ZNF462: variants seen among roughly 807,000 people sequenced by gnomAD.
The protein encoded by ZNF462 is zinc finger protein 462, also known as zinc finger PBX1-interacting protein.
A neutral mutation model predicts 201.9 loss-of-function variants in ZNF462; 10 were observed. The ratio of observed to expected loss-of-function variants is 0.05; its 90% CI spans 0.03 to 0.08. The LOEUF is 0.08. Ranked by LOEUF, ZNF462 falls within the 10% of genes least tolerant of loss-of-function variation. The pLI, the probability that ZNF462 is intolerant of heterozygous loss-of-function variation, is 1.00. For missense variants in ZNF462, 2,523 were observed against 3,168.3 expected, an observed-to-expected ratio of 0.80 and a Z score of 4.89; for synonymous variants, 1,227 against 1,193.3, an observed-to-expected ratio of 1.03 and a Z score of -0.58.
intron 7 of ZNF462, among the ~76,000 whole-genome samples, chr9:106,965,046 C>T (rs1416293881): frequency 1.3e-5 from 2 of 151,930 alleles, no homozygotes; most frequent in Admixed American, 6.6e-5. Flanking sequence ...GAGATCAGGG[C>T]AAGAATCACA....
chr9:107,007,299 G>C (rs932789901), intron 11 of ZNF462, among the ~76,000 whole-genome samples: 1 of 152,224 alleles, frequency 6.6e-6, no homozygotes, highest in African/African-American at 2.4e-5. Flanking sequence ...TGGTTGAGAT[G>C]TGTGTGGTAT....
At position 106,870,879 on chromosome 9, in the gene ZNF462, C is replaced by T. The variant is rs988454120; in HGVS notation, c.-31+7524C>T. On this transcript the variant is annotated intron_variant, in intron 1 of 12. Coordinates refer to ENST00000277225, the MANE Select transcript of ZNF462 (RefSeq NM_021224.6). The surrounding 1 kb of genome is among the most constrained non-coding windows in gnomAD (Gnocchi z 4.3). ...GTCTGAGCAGTTGAACCAGAACACA[C>T]GCTAAGGCCTCCAAATTTTGGAATT... Among the ~76,000 whole-genome samples the T allele has an allele frequency of 1.3e-5, 2 of 152,124 alleles. No individual in the cohort carries two copies. Among genetic ancestry groups the T allele is most frequent in the African/African-American group, 4.8e-5 (2 of 41,414 alleles).
Position 107,003,185 on chromosome 9 carries a change from T to A in ZNF462, c.7057-109T>A. On this transcript the variant is annotated intron_variant, in intron 10 of 12. Transcript: ENST00000277225. The surrounding 1 kb of genome is among the most constrained non-coding windows in gnomAD (Gnocchi z 4.4). ...AGGCCCCGGAGTTGTTTGGTCCTGGTTGCAAAACCACAGTCACAGGAAAAT... is the reference window on the plus strand; with the variant it reads ...AGGCCCCGGAGTTGTTTGGTCCTGGATGCAAAACCACAGTCACAGGAAAAT... The A allele has an allele frequency of 6.7e-7, 1 of 1,487,374 alleles. No homozygotes were observed. The highest frequency in any genetic ancestry group is 1.4e-5 in the South Asian group (1 of 72,722). 92.1% of individuals were successfully genotyped at this position (1,487,374 alleles called of 1,614,324 possible).
rs780431583 is a variant in ZNF462, at chr9:106,929,461, A to C, written c.5549A>C (p.Lys1850Thr). ...EIEWLPFRCIKCFKLSFSTAE... is the reference protein window; with the variant it reads ...EIEWLPFRCITCFKLSFSTAE... ...GAGTGGCTCCCATTCCGCTGCATCAAATGCTTCAAGCTGTCCTTTAGCACT... is the reference window on the plus strand; with the variant it reads ...GAGTGGCTCCCATTCCGCTGCATCACATGCTTCAAGCTGTCCTTTAGCACT... The change falls in exon 3 of 13, where the codon AAA becomes ACA. Residue 1850 changes from lysine to threonine, a missense_variant. Coordinates refer to ENST00000277225, the MANE Select transcript of ZNF462 (RefSeq NM_021224.6). This position sits in a 1 kb window ranked among gnomAD's most constrained non-coding sequence, Gnocchi z 8.7. 1.2e-6 allele frequency: 2 copies of C among 1,614,140 alleles called. No individual in the cohort carries two copies. The highest frequency in any genetic ancestry group is 2.2e-5 in the South Asian group (2 of 91,084).
chr9:106,950,450 G>A lies in ZNF462; in HGVS notation c.6427+11343G>A, dbSNP rs1413723714. On this transcript the variant is annotated intron_variant, in intron 7 of 12. Transcript: ENST00000277225. This position sits in a 1 kb window ranked among gnomAD's most constrained non-coding sequence, Gnocchi z 4.1. Reference sequence around the variant, plus strand: ...TGTCCTTGTGAGTTGTGATTTTATTGTTACTCTGATTTTATAGTATTTTAA... The same window carrying A: ...TGTCCTTGTGAGTTGTGATTTTATTATTACTCTGATTTTATAGTATTTTAA... Among the ~76,000 whole-genome samples the A allele has an allele frequency of 5.9e-5, 9 of 152,084 alleles. No individual in the cohort carries two copies. The highest frequency in any genetic ancestry group is 5.9e-4 in the Admixed American group (9 of 15,250).
chr9:106,863,448 T>C, intron 1 of ZNF462, 93 bp downstream of exon 1: 1 of 375,652 alleles, frequency 2.7e-6, no homozygotes, highest in Non-Finnish European at 4.7e-6. Flanking sequence ...CGCTCATTCA[T>C]TCGGCCAAGG....
chr9:106,940,451 A>G (rs1192697787), intron 7 of ZNF462, among the ~76,000 whole-genome samples: 1 of 152,192 alleles, frequency 6.6e-6, no homozygotes, highest in Non-Finnish European at 1.5e-5. Context: ...TCAGATTACC[A>G]AAAGAGTAAA....
rs1263586238 is a variant in ZNF462, at chr9:106,968,639, T to C, written c.6428-3366T>C. On this transcript the variant is annotated intron_variant, in intron 7 of 12. Transcript: ENST00000277225. This position sits in a 1 kb window ranked among gnomAD's most constrained non-coding sequence, Gnocchi z 4.0. ...ACCTTAGTCTTTGCTGTTGGTTCCA[T>C]TGTAGATACCACTGGCCATACAGGT... Among the ~76,000 whole-genome samples the C allele has an allele frequency of 1.3e-5, 2 of 152,100 alleles. No homozygotes were observed. The highest frequency in any genetic ancestry group is 4.8e-5 in the African/African-American group (2 of 41,428).
chr9:106,908,933 ATATATATATTTTTTTTTTTTTTTTTT>A (rs1829409285), intron 1 of ZNF462, among the ~76,000 whole-genome samples: 5 of 35,962 alleles, frequency 1.4e-4, no homozygotes, highest in African/African-American at 7.5e-4. Context: ...ATATATATAT[ATATATATATTTTTTTTTTTTTTTTTT>A]TTTTTTTTTT....
chr9:106,876,779 G>C lies in ZNF462; in HGVS notation c.-31+13424G>C, dbSNP rs558691898. ...GATGTTATTACTGTTCCTATTGTTT[G>C]GCATCATTCTGGCAAAAATGATATG... is the stretch of plus-strand genomic sequence containing the variant. On this transcript the variant is annotated intron_variant, in intron 1 of 12. Coordinates refer to ENST00000277225, the MANE Select transcript of ZNF462 (RefSeq NM_021224.6). The surrounding 1 kb of genome is among the most constrained non-coding windows in gnomAD (Gnocchi z 4.9). 1.6e-4 allele frequency among the ~76,000 whole-genome samples: 25 copies of C among 152,216 alleles called. No homozygotes were observed. The highest frequency in any genetic ancestry group is 6.0e-4 in the African/African-American group (25 of 41,528).
At chr9:106,937,231 T>C (rs1336440235) in intron 6 of ZNF462, among the ~76,000 whole-genome samples, 1 of 151,942 alleles carries the variant, frequency 6.6e-6, no homozygotes, top group Non-Finnish European at 1.5e-5. Context: ...AATGAAAAAA[T>C]AGAATAAAGA....
intron 1 of ZNF462, among the ~76,000 whole-genome samples, chr9:106,907,751 T>C (rs780907986): frequency 1.3e-5 from 2 of 152,050 alleles, no homozygotes; most frequent in Non-Finnish European, 2.9e-5. Flanking sequence ...TCAAATCTTT[T>C]CTTCGACTTT....
rs2131467833 is a variant in ZNF462, at chr9:106,926,226, C to T, written c.2314C>T (p.Pro772Ser). Residue 772 changes from proline to serine, a missense_variant, in exon 3 of 13, where the codon CCC becomes TCC. By Grantham distance (74) the Pro-to-Ser change is moderately conservative. Around this residue, in one of 15 missense-constraint regions of ZNF462, gnomAD observed 383 missense variants for 453.4 expected, o/e 0.84. Coordinates refer to ENST00000277225, the MANE Select transcript of ZNF462 (RefSeq NM_021224.6). The surrounding 1 kb of genome is among the most constrained non-coding windows in gnomAD (Gnocchi z 7.9). ...AGATACCAGTGAGCCCCAGAAAGAGCCCAACTTCAGAAACATCACCCACGA... is the reference window on the plus strand; with the variant it reads ...AGATACCAGTGAGCCCCAGAAAGAGTCCAACTTCAGAAACATCACCCACGA... Reference protein sequence around the residue: ...VRDTSEPQKEPNFRNITHDYN... With the variant: ...VRDTSEPQKESNFRNITHDYN... 2.5e-6 allele frequency: 4 copies of T among 1,614,174 alleles called. No individual in the cohort carries two copies. Among genetic ancestry groups the T allele is most frequent in the Admixed American group, 1.7e-5 (1 of 60,022 alleles).
chr9:106,869,821 G>C (rs1827510592), intron 1 of ZNF462, among the ~76,000 whole-genome samples: 1 of 152,206 alleles, frequency 6.6e-6, no homozygotes, highest in Non-Finnish European at 1.5e-5. Flanking sequence ...CTGTCTCTTG[G>C]ATTTATAAGA....
rs1281109879 is a variant in ZNF462 at position 106,950,031 on chromosome 9, T to C, written c.6427+10924T>C. Among the ~76,000 whole-genome samples the C allele has an allele frequency of 6.6e-6, 1 of 152,154 alleles. No individual in the cohort carries two copies. The highest frequency in any genetic ancestry group is 1.5e-5 in the Non-Finnish European group (1 of 68,032). ...GAGGGTTAGCCGTTTCAAAGGGGCT[T>C]TCTCCAGCATCCTGGTTTCTCTCGT... On this transcript the variant is annotated intron_variant, in intron 7 of 12. Transcript: ENST00000277225. The surrounding 1 kb of genome is among the most constrained non-coding windows in gnomAD (Gnocchi z 4.1).
At chr9:106,861,428 A>C (rs1827063951), upstream of ZNF462, among the ~76,000 whole-genome samples, 2 of 152,116 alleles carry the variant, frequency 1.3e-5, no homozygotes, top group Admixed American at 6.5e-5. Flanking sequence ...CTTGCCCAGG[A>C]TCCTTAACAC....
intron 7 of ZNF462, among the ~76,000 whole-genome samples, chr9:106,952,399 T>G (rs1831392923): frequency 6.6e-6 from 1 of 152,196 alleles, no homozygotes; most frequent in Admixed American, 6.5e-5. Flanking sequence ...TGTTTTCAAT[T>G]TATGATCCTT....
upstream of ZNF462, among the ~76,000 whole-genome samples, chr9:106,862,413 C>A (rs922144602): frequency 2.0e-5 from 3 of 152,070 alleles, no homozygotes; most frequent in Admixed American, 2.0e-4. The surrounding 1 kb of genome is among the most constrained non-coding windows in gnomAD (Gnocchi z 4.2). Flanking sequence ...CCTCTGCGGG[C>A]CAGGGCTGCC....
chr9:106,925,477 G>A lies in ZNF462; in HGVS notation c.1565G>A (p.Ser522Asn), dbSNP rs79904155. The A allele has an allele frequency of 5.6e-6, 9 of 1,614,146 alleles. No individual in the cohort carries two copies. Among genetic ancestry groups the A allele is most frequent in the Admixed American group, 3.3e-5 (2 of 60,024 alleles). ...SLNEGVVSYESSSINGRKSGV... is the reference protein window; with the variant it reads ...SLNEGVVSYENSSINGRKSGV... ...AATGAAGGTGTGGTGTCTTATGAGA[G>A]CTCAAGCATCAATGGTAGAAAGTCA... is the stretch of plus-strand genomic sequence containing the variant. Residue 522 changes from serine to asparagine, a missense_variant, in exon 3 of 13, where the codon AGC becomes AAC. This residue lies in a region of ZNF462 where 383 missense variants were observed against 453.4 expected (regional missense o/e 0.84). Coordinates refer to ENST00000277225, the MANE Select transcript of ZNF462 (RefSeq NM_021224.6). The surrounding 1 kb of genome is among the most constrained non-coding windows in gnomAD (Gnocchi z 7.9).
Sources: allele counts gnomAD v4.1 joint callset (sites outside exome capture counted in the v4.1 genomes callset), GRCh38; gene constraint gnomAD v4.1.1; regional missense constraint gnomAD v4.1.1; non-coding constraint Gnocchi (gnomAD v3.1); transcripts MANE v1.5; gene names NCBI Gene and HGNC (gene_info 2026-07-23, HGNC 2026-07-21).